The following FRAS1 variants were observed in gnomAD, a reference collection of about 807,000 sequenced individuals.
FRAS1 encodes the protein Fraser extracellular matrix complex subunit 1, also known as extracellular matrix organizing protein FRAS1.
In FRAS1, 290 loss-of-function variants were observed where a neutral mutation model predicts 435.2. The ratio of observed to expected loss-of-function variants is 0.67; its 90% confidence interval spans 0.61 to 0.73. The LOEUF is 0.73. Among genes scored for constraint, FRAS1 ranks in the 30% least tolerant of loss-of-function variants. The pLI, the probability that FRAS1 is intolerant of heterozygous loss-of-function variation, is 0.00. For missense variants in FRAS1, 4,860 were observed against 5,001.5 expected, an observed-to-expected ratio of 0.97 and a Z score of 0.85; for synonymous variants, 1,800 against 1,851.0, an observed-to-expected ratio of 0.97 and a Z score of 0.71.
chr4:78,243,701 C>T (rs1725108933), intron 3 of FRAS1, among the ~76,000 whole-genome samples: 2 of 152,068 alleles, frequency 1.3e-5, no homozygotes, highest in Admixed American at 1.3e-4. Context: ...CATATATACA[C>T]ACACACATAC....
At chr4:78,363,285 A>T (rs1322790264) in intron 20 of FRAS1, among the ~76,000 whole-genome samples, 2 of 152,190 alleles carry the variant, frequency 1.3e-5, no homozygotes, top group Admixed American at 6.5e-5. Flanking sequence ...TTGGAAAGGG[A>T]TGAAAACTCA....
intron 14 of FRAS1, among the ~76,000 whole-genome samples, chr4:78,293,800 G>A (rs1728017244): frequency 6.6e-6 from 1 of 152,218 alleles, no homozygotes; most frequent in South Asian, 2.1e-4. Flanking sequence ...AGCTGGTGGT[G>A]TTGTGTCTGG....
chr4:78,495,488 A>G (rs1720485308), intron 59 of FRAS1, among the ~76,000 whole-genome samples: 1 of 152,154 alleles, frequency 6.6e-6, no homozygotes, highest in South Asian at 2.1e-4. Context: ...TTACACATTT[A>G]TGACTCATAA....
intron 9 of FRAS1, among the ~76,000 whole-genome samples, chr4:78,273,366 G>A (rs1484888040): frequency 6.6e-6 from 1 of 152,182 alleles, no homozygotes; most frequent in Non-Finnish European, 1.5e-5. Context: ...TAGGAGTGGT[G>A]AGAGAGGGCA....
At chr4:78,422,276 G>A (rs901452829) in intron 34 of FRAS1, among the ~76,000 whole-genome samples, 1 of 151,636 alleles carries the variant, frequency 6.6e-6, no homozygotes, top group Non-Finnish European at 1.5e-5. Context: ...AGATACAGTG[G>A]CAAGCAAAAA....
intron 18 of FRAS1, among the ~76,000 whole-genome samples, chr4:78,320,055 G>A (rs1304666227): frequency 6.6e-6 from 1 of 152,206 alleles, no homozygotes; most frequent in Non-Finnish European, 1.5e-5. Context: ...TGCTCCGTGG[G>A]TGCAAACCTC....
At chr4:78,469,588 C>T (rs538521104) in intron 50 of FRAS1, among the ~76,000 whole-genome samples, 1 of 151,688 alleles carries the variant, frequency 6.6e-6, no homozygotes, top group South Asian at 2.1e-4. Context: ...TTGTCAGCCT[C>T]TCATGAAAAT....
chr4:78,323,666 C>T (rs1729597614), intron 18 of FRAS1, among the ~76,000 whole-genome samples: 2 of 152,114 alleles, frequency 1.3e-5, no homozygotes, highest in African/African-American at 4.8e-5. Flanking sequence ...TGGCTCCTCC[C>T]GGAGTCACTA....
chr4:78,303,890 A>G (rs1224038987), intron 14 of FRAS1, among the ~76,000 whole-genome samples: 2 of 150,170 alleles, frequency 1.3e-5, no homozygotes, highest in East Asian at 1.9e-4. Context: ...TTCCAACACT[A>G]TGTTGAATAG....
intron 9 of FRAS1, among the ~76,000 whole-genome samples, chr4:78,268,267 C>T (rs1328411949): frequency 6.6e-6 from 1 of 152,170 alleles, no homozygotes; most frequent in Non-Finnish European, 1.5e-5. Flanking sequence ...TTCTCAGCTC[C>T]TCTTAACCCT....
chr4:78,410,210 G>T (rs147123195), intron 31 of FRAS1, among the ~76,000 whole-genome samples: 88 of 152,194 alleles, frequency 5.8e-4, no homozygotes, highest in African/African-American at 1.7e-3. Context: ...TCCCTGGAAG[G>T]GGAATCTAAG....
intron 2 of FRAS1, among the ~76,000 whole-genome samples, chr4:78,101,072 A>C (rs1272414097): frequency 6.6e-6 from 1 of 152,098 alleles, no homozygotes; most frequent in Non-Finnish European, 1.5e-5. Context: ...CAACCATTTA[A>C]CATGTATACA....
At position 78,329,731 on chromosome 4, in the gene FRAS1, G is replaced by A. The variant is rs566774753; in HGVS notation, c.2138-3541G>A. Among the ~76,000 whole-genome samples, 4 of 152,288 alleles carry A rather than the reference G, an allele frequency of 2.6e-5. No individual in the cohort carries two copies. The South Asian group carries it at 8.3e-4, about 32-fold the overall frequency. On this transcript the variant is annotated intron_variant, in intron 18 of 73. Transcript: ENST00000512123. ...GACCATTCATGGGAAATGGTCAAAGGACACCTTCTAGGTAGGGAAGATAAT... is the reference window on the plus strand; with the variant it reads ...GACCATTCATGGGAAATGGTCAAAGAACACCTTCTAGGTAGGGAAGATAAT...
chr4:78,291,936 G>A (rs558344113), intron 14 of FRAS1, among the ~76,000 whole-genome samples: 1 of 152,286 alleles, frequency 6.6e-6, no homozygotes, highest in East Asian at 1.9e-4. Context: ...CTGCAAGAGG[G>A]CTTTGGCAAA....
chr4:78,522,861 C>T, intron 69 of FRAS1, 53 bp downstream of exon 69: 2 of 1,446,826 alleles, frequency 1.4e-6, no homozygotes, highest in East Asian at 2.5e-5. Flanking sequence ...TTTTCCATTT[C>T]TTTCAGGAGC....
In FRAS1 at chr4:78,379,947, GAT is replaced by G. The variant is rs1211573879; in HGVS notation, c.3515_3516del (p.Asp1172GlyfsTer25). ...LDKAGRFSWK[D>X]VNEKKVRFVH... Reference sequence around the variant, plus strand: ...CAAGGCTGGCCGTTTTAGCTGGAAAGATGTGAACGAGAAGAAAGTGCGTTTTG... The same window carrying G: ...CAAGGCTGGCCGTTTTAGCTGGAAAGGTGAACGAGAAGAAAGTGCGTTTTG... On this transcript the variant is annotated frameshift_variant, in exon 27 of 74. Coordinates refer to ENST00000512123, the MANE Select transcript of FRAS1 (RefSeq NM_025074.7). LOFTEE classifies it high-confidence loss of function. 1 of 1,613,720 alleles carries G rather than the reference GAT, an allele frequency of 6.2e-7. No homozygotes were observed. Among genetic ancestry groups the G allele is most frequent in the African/African-American group, 1.3e-5 (1 of 74,914 alleles).
At chr4:78,298,840 A>G (rs1728264894) in intron 14 of FRAS1, among the ~76,000 whole-genome samples, 1 of 152,214 alleles carries the variant, frequency 6.6e-6, no homozygotes, top group Non-Finnish European at 1.5e-5. Context: ...TGACTAAAAC[A>G]TGGTCCCCAT....
intron 2 of FRAS1, among the ~76,000 whole-genome samples, chr4:78,076,831 T>C (rs190318411): frequency 1.9e-3 from 282 of 152,304 alleles, no homozygotes; most frequent in Admixed American, 4.1e-3. Context: ...GTTGCCACTT[T>C]AGAGGAATCA....
chr4:78,131,591 C>G (rs1719687901), intron 2 of FRAS1, among the ~76,000 whole-genome samples: 1 of 152,208 alleles, frequency 6.6e-6, no homozygotes, highest in African/African-American at 2.4e-5. Flanking sequence ...GCCAAAACTG[C>G]TCCACATTGT....
Sources: gnomAD v4.1 joint callset for allele counts (sites outside exome capture counted in the v4.1 genomes callset) on GRCh38, gnomAD v4.1.1 for gene constraint, MANE v1.5 for transcripts, NCBI Gene and HGNC (gene_info 2026-07-23, HGNC 2026-07-21) for gene names.